DOCK5: variants seen among roughly 807,000 people sequenced by gnomAD.
DOCK5 encodes dedicator of cytokinesis 5, also known as dedicator of cytokinesis protein 5.
Under a neutral mutation model 251.8 loss-of-function variants are expected in DOCK5, and 142 were observed. That is an observed-to-expected ratio of 0.56 (90% CI 0.49 to 0.65). DOCK5 has a LOEUF of 0.65. Among genes scored for constraint, DOCK5 ranks in the 30% least tolerant of loss-of-function variants. DOCK5 has a pLI of 0.00. For synonymous variants in DOCK5, 842 were observed against 835.5 expected (o/e 1.01, Z -0.13); for missense variants, 2,111 against 2,312.3 (o/e 0.91, Z 1.79).
At chr8:25,347,711 G>C (rs193026311) in intron 26 of DOCK5, among the ~76,000 whole-genome samples, 343 of 152,296 alleles carry the variant, frequency 2.3e-3, no homozygotes, top group African/African-American at 7.6e-3. Flanking sequence ...ACAAGAATCA[G>C]AGCATTGGAT....
intron 48 of DOCK5, among the ~76,000 whole-genome samples, chr8:25,407,239 T>TAA (rs1563234156): frequency 2.0e-5 from 3 of 152,064 alleles, no homozygotes; most frequent in Middle Eastern, 3.2e-3. Flanking sequence ...TCTAGATTAC[T>TAA]TCTAGAATCT....
At chr8:25,219,429 C>T (rs991980831) in intron 1 of DOCK5, among the ~76,000 whole-genome samples, 12 of 152,164 alleles carry the variant, frequency 7.9e-5, no homozygotes, top group Non-Finnish European at 1.3e-4. Context: ...GGCTATCATC[C>T]GAGACCTCCT....
In DOCK5 at chr8:25,369,564, T is replaced by C. The variant is rs774367411; in HGVS notation, c.3447T>C (p.Asn1149=). 6.2e-7 allele frequency: 1 copy of C among 1,609,910 alleles called. No individual in the cohort carries two copies. The highest frequency in any genetic ancestry group is 2.2e-5 in the East Asian group (1 of 44,814). Residue 1149 remains asparagine, a synonymous_variant, in exon 34 of 52, where the codon AAT becomes AAC. Transcript: ENST00000276440. ...SGNGNFHMFE[N]ELITKLDQEV... is the part of the protein sequence containing the mutation. The stretch of plus-strand genomic sequence containing the variant: ...TCTGCCTCTACTTTCAGTTTGAGAA[T>C]GAGCTGATCACAAAGCTGGACCAGG...
intron 40 of DOCK5, 152 bp from the exon 41 acceptor site, chr8:25,388,939 G>A (rs919407362): frequency 3.8e-5 from 25 of 663,492 alleles, no homozygotes; most frequent in African/African-American, 2.7e-4. Flanking sequence ...TATGATGGTC[G>A]CTGTCAGGCA....
chr8:25,385,261 C>T (rs1466356402), intron 40 of DOCK5, among the ~76,000 whole-genome samples: 2 of 152,122 alleles, frequency 1.3e-5, no homozygotes, highest in African/African-American at 4.8e-5. Flanking sequence ...CTTTTGTCTC[C>T]ATGGTCATCC....
At chr8:25,289,192 T>C (rs943870588) in intron 5 of DOCK5, among the ~76,000 whole-genome samples, 1 of 152,180 alleles carries the variant, frequency 6.6e-6, no homozygotes, top group African/African-American at 2.4e-5. Flanking sequence ...GTTTCTAGTC[T>C]ACACCTGGTC....
At chr8:25,377,682 T>C (rs564989262) in intron 38 of DOCK5, among the ~76,000 whole-genome samples, 6 of 152,246 alleles carry the variant, frequency 3.9e-5, no homozygotes, top group Admixed American at 3.3e-4. Flanking sequence ...GAACAACCAA[T>C]AGTACACAGT....
intron 11 of DOCK5, among the ~76,000 whole-genome samples, chr8:25,308,502 A>G (rs1805005261): frequency 6.6e-6 from 1 of 152,140 alleles, no homozygotes; most frequent in Admixed American, 6.6e-5. Flanking sequence ...TGCCTCTGAA[A>G]GAGCATGGAG....
In DOCK5 at chr8:25,336,308, T is replaced by C; in HGVS notation, c.2262T>C (p.Phe754=). 6.2e-7 allele frequency: 1 copy of C among 1,614,008 alleles called. No homozygotes were observed. Among genetic ancestry groups the C allele is most frequent in the Non-Finnish European group, 8.5e-7 (1 of 1,179,878 alleles). ...ADDSSKTELL[F]AALKALKYLF... ...ACTCCAGCAAGACTGAACTGCTTTT[T>C]GCTGCGTTGAAAGCCTTGAAGTACT... The change falls in exon 22 of 52, where the codon TTT becomes TTC. Residue 754 remains phenylalanine (F), a synonymous_variant. Transcript: ENST00000276440.
Position 25,308,807 on chromosome 8 carries a change from C to T in DOCK5, c.1074C>T (p.Arg358=), listed in dbSNP as rs140502349. 5.6e-4 allele frequency: 902 copies of T among 1,613,940 alleles called. 4 individuals carry two copies. In the African/African-American group the frequency reaches 0.01, roughly 18 times the overall value. The change falls in exon 12 of 52, where the codon CGC becomes CGT. Residue 358 remains arginine (R), a synonymous_variant. Coordinates refer to ENST00000276440, the MANE Select transcript of DOCK5 (RefSeq NM_024940.8). ...GAATTGCGATGGAAACCTACATCCG[C>T]CAGAGGCAGCTCATCATGTCGCCTT... The part of the protein sequence containing the change: ...FQQIAMETYI[R]QRQLIMSPLI...
Position 25,351,783 on chromosome 8 carries a change from T to TCAA in DOCK5, c.2809_2811dup (p.Asn937dup). ...ATAATGGAACGGCTGCTGAGAAGGATCAACCGGACAGTGATTGGGATGAAC... is the reference window on the plus strand; with the variant it reads ...ATAATGGAACGGCTGCTGAGAAGGATCAACAACCGGACAGTGATTGGGATGAAC... On this transcript the variant is annotated inframe_insertion, in exon 27 of 52. Coordinates refer to ENST00000276440, the MANE Select transcript of DOCK5 (RefSeq NM_024940.8). 1 of 1,613,862 alleles carries TCAA rather than the reference T, an allele frequency of 6.2e-7. No individual in the cohort carries two copies. Among genetic ancestry groups the TCAA allele is most frequent in the African/African-American group, 1.3e-5 (1 of 75,034 alleles).
intron 47 of DOCK5, among the ~76,000 whole-genome samples, chr8:25,402,589 C>G (rs531784940): frequency 6.6e-6 from 1 of 151,730 alleles, no homozygotes; most frequent in Non-Finnish European, 1.5e-5. Context: ...AGCCACCGCG[C>G]CCGGCCCACA....
At chr8:25,374,464 T>G in intron 36 of DOCK5, 100 bp from the exon 37 acceptor site, 1 of 1,141,894 alleles carries the variant, frequency 8.8e-7, no homozygotes, top group Non-Finnish European at 1.2e-6. Flanking sequence ...CACTGCATAC[T>G]GCAGCCTGGG....
At chr8:25,312,877 G>A (rs75455470) in intron 13 of DOCK5, among the ~76,000 whole-genome samples, 6,449 of 152,026 alleles carry the variant, frequency 0.042, 209 homozygotes, top group East Asian at 0.091. Context: ...TTGTAGTGAG[G>A]TGAGATCATG....
chr8:25,230,925 A>G (rs544917164), intron 1 of DOCK5, among the ~76,000 whole-genome samples: 1 of 152,270 alleles, frequency 6.6e-6, no homozygotes, highest in East Asian at 1.9e-4. Flanking sequence ...AAAAGTACCT[A>G]CATATCCCTG....
chr8:25,205,809 A>C (rs916907959), intron 1 of DOCK5, among the ~76,000 whole-genome samples: 3 of 152,186 alleles, frequency 2.0e-5, no homozygotes, highest in Non-Finnish European at 4.4e-5. Flanking sequence ...TCACCGATTC[A>C]CCAGGTATCT....
At chr8:25,348,798 A>G (rs1048186216) in intron 26 of DOCK5, among the ~76,000 whole-genome samples, 2 of 151,116 alleles carry the variant, frequency 1.3e-5, no homozygotes, top group African/African-American at 4.9e-5. Flanking sequence ...AGATCACACC[A>G]CTGCACTCCA....
chr8:25,358,352 C>A (rs1252120227), intron 27 of DOCK5, among the ~76,000 whole-genome samples: 1 of 152,168 alleles, frequency 6.6e-6, no homozygotes, highest in East Asian at 1.9e-4. Context: ...CACTCACTAT[C>A]ACGAGACTAG....
chr8:25,267,888 A>G (rs890889576), intron 2 of DOCK5, among the ~76,000 whole-genome samples: 3 of 150,592 alleles, frequency 2.0e-5, no homozygotes, highest in African/African-American at 7.3e-5. Context: ...TTGGAAACGG[A>G]GTCTCGCTCT....
Sources: gnomAD v4.1 joint callset for allele counts (sites outside exome capture counted in the v4.1 genomes callset) on GRCh38, gnomAD v4.1.1 for gene constraint, MANE v1.5 for transcripts, NCBI Gene and HGNC (gene_info 2026-07-23, HGNC 2026-07-21) for gene names.